PLPPR1: variants seen among roughly 807,000 people sequenced by gnomAD.
PLPPR1 encodes phospholipid phosphatase related 1.
PLPPR1 carries 10 observed loss-of-function variants against 33.1 expected under a neutral mutation model. The ratio of observed to expected loss-of-function variants is 0.30; its 90% confidence interval spans 0.19 to 0.51. PLPPR1 has a LOEUF of 0.51. Ranked by LOEUF, PLPPR1 falls within the 20% of genes least tolerant of loss-of-function variation. PLPPR1 has a pLI of 0.97. For synonymous variants in PLPPR1, 151 were observed against 151.0 expected (o/e 1.00, Z 0.00); for missense variants, 304 against 408.1 (o/e 0.74, Z 2.20).
At chr9:101,256,133 C>T (rs894480895) in intron 2 of PLPPR1, among the ~76,000 whole-genome samples, 1 of 152,200 alleles carries the variant, frequency 6.6e-6, no homozygotes, top group African/African-American at 2.4e-5. Flanking sequence ...AAAACAACAA[C>T]AGCAGCAACT....
intron 1 of PLPPR1, among the ~76,000 whole-genome samples, chr9:101,136,914 A>G (rs1831384575): frequency 6.6e-6 from 1 of 152,200 alleles, no homozygotes; most frequent in African/African-American, 2.4e-5. Context: ...AGTACAACAG[A>G]GTGATTATTT....
intron 1 of PLPPR1, among the ~76,000 whole-genome samples, chr9:101,163,548 C>T (rs1164604095): frequency 6.6e-6 from 1 of 152,106 alleles, no homozygotes; most frequent in African/African-American, 2.4e-5. Context: ...TACATGTGCT[C>T]AGGTGATGGG....
intron 1 of PLPPR1, chr9:101,125,648 A>T: frequency 1.7e-6 from 1 of 586,410 alleles, no homozygotes; most frequent in Non-Finnish European, 3.2e-6. Context: ...TAAGTTGTTG[A>T]TCATGGCAAT....
intron 1 of PLPPR1, among the ~76,000 whole-genome samples, chr9:101,096,964 T>A (rs912806829): frequency 6.6e-6 from 1 of 151,650 alleles, no homozygotes; most frequent in Non-Finnish European, 1.5e-5. Flanking sequence ...TACAAGGGAG[T>A]CTAAAGTGGG....
intron 1 of PLPPR1, among the ~76,000 whole-genome samples, chr9:101,064,884 ACT>A (rs1830391348): frequency 6.6e-6 from 1 of 151,730 alleles, no homozygotes; most frequent in African/African-American, 2.4e-5. Context: ...TAACAGATCT[ACT>A]CTCGTGATAA....
intron 2 of PLPPR1, among the ~76,000 whole-genome samples, chr9:101,207,062 C>T (rs1373279868): frequency 6.6e-6 from 1 of 152,146 alleles, no homozygotes; most frequent in East Asian, 1.9e-4. Flanking sequence ...ATCCTATTTT[C>T]CAGATTGTAC....
At chr9:101,065,814 A>C (rs919104729) in intron 1 of PLPPR1, among the ~76,000 whole-genome samples, 7 of 152,176 alleles carry the variant, frequency 4.6e-5, no homozygotes, top group Middle Eastern at 6.8e-3. Flanking sequence ...GGATTCATTG[A>C]CTTAAAAAAA....
At chr9:101,036,027 T>C (rs1161315012) in intron 1 of PLPPR1, among the ~76,000 whole-genome samples, 2 of 152,184 alleles carry the variant, frequency 1.3e-5, no homozygotes, top group East Asian at 1.9e-4. Context: ...CCTGACTTTA[T>C]TTAAAATTTT....
intron 7 of PLPPR1, among the ~76,000 whole-genome samples, chr9:101,318,898 G>A (rs76811150): frequency 0.036 from 5,511 of 152,164 alleles, 346 homozygotes; most frequent in African/African-American, 0.12. Flanking sequence ...AGCAGATGGG[G>A]GACAACTAAT....
chr9:101,250,619 C>T lies in PLPPR1; in HGVS notation c.64-19261C>T, dbSNP rs571969155. ...TCCAGACTAATGTCCTGCTCTCCTC[C>T]TTAAAATTAATCCACTTGGAAACTC... is the stretch of plus-strand genomic sequence containing the variant. On this transcript the variant is annotated intron_variant, in intron 2 of 7. Coordinates refer to ENST00000374874, the MANE Select transcript of PLPPR1 (RefSeq NM_207299.2). Among the ~76,000 whole-genome samples the T allele has an allele frequency of 9.9e-5, 15 of 152,164 alleles. No individual in the cohort carries two copies. In the South Asian group the frequency reaches 1.2e-3, roughly 13 times the overall value.
intron 2 of PLPPR1, among the ~76,000 whole-genome samples, chr9:101,238,746 G>A (rs1046480981): frequency 4.0e-5 from 6 of 151,690 alleles, no homozygotes; most frequent in East Asian, 1.9e-4. Flanking sequence ...CAATATATTC[G>A]TGTCACAAAA....
chr9:101,279,820 G>C (rs1564025297), intron 3 of PLPPR1, among the ~76,000 whole-genome samples: 1 of 152,066 alleles, frequency 6.6e-6, no homozygotes, highest in Non-Finnish European at 1.5e-5. Flanking sequence ...GCAGTACTAA[G>C]AGGGAATTTT....
intron 2 of PLPPR1, among the ~76,000 whole-genome samples, chr9:101,206,839 A>G (rs1442203089): frequency 6.6e-6 from 1 of 152,036 alleles, no homozygotes; most frequent in Non-Finnish European, 1.5e-5. Flanking sequence ...GGCCAAAGAG[A>G]TTTCAAGCAC....
intron 1 of PLPPR1, among the ~76,000 whole-genome samples, chr9:101,053,732 G>A (rs1377169982): frequency 6.6e-6 from 1 of 152,208 alleles, no homozygotes; most frequent in Non-Finnish European, 1.5e-5. Context: ...GGATCTGGAA[G>A]TTGTAGGGGA....
chr9:101,312,380 C>G (rs1828975410), intron 5 of PLPPR1, among the ~76,000 whole-genome samples: 1 of 152,164 alleles, frequency 6.6e-6, no homozygotes. Flanking sequence ...CAGTCACTCT[C>G]CTACCTGGTC....
chr9:101,211,998 T>A (rs1323929411), intron 2 of PLPPR1, among the ~76,000 whole-genome samples: 2 of 152,158 alleles, frequency 1.3e-5, no homozygotes, highest in African/African-American at 4.8e-5. Context: ...AAATTCAAGT[T>A]GTTCTAACAC....
At chr9:101,044,831 C>T (rs1038490113) in intron 1 of PLPPR1, among the ~76,000 whole-genome samples, 1 of 152,112 alleles carries the variant, frequency 6.6e-6, no homozygotes, top group Non-Finnish European at 1.5e-5. Context: ...CTTGAGTACA[C>T]GTGTGGCATT....
At chr9:101,275,977 G>T (rs539208224) in intron 3 of PLPPR1, among the ~76,000 whole-genome samples, 1 of 152,110 alleles carries the variant, frequency 6.6e-6, no homozygotes, top group African/African-American at 2.4e-5. Context: ...TTTCTGGGCC[G>T]TAAGCTCTTC....
At chr9:101,075,202 T>G (rs1050780960) in intron 1 of PLPPR1, among the ~76,000 whole-genome samples, 1 of 152,176 alleles carries the variant, frequency 6.6e-6, no homozygotes, top group Non-Finnish European at 1.5e-5. Flanking sequence ...CTTGTATGGA[T>G]TTTCAGTTTG....
Sources: allele counts gnomAD v4.1 joint callset (sites outside exome capture counted in the v4.1 genomes callset), GRCh38; gene constraint gnomAD v4.1.1; transcripts MANE v1.5; gene names NCBI Gene and HGNC (gene_info 2026-07-23, HGNC 2026-07-21).